Variants in UPP1 observed in about 807,000 individuals in gnomAD.
The protein encoded by UPP1 is UPase 1.
A neutral mutation model predicts 29.6 loss-of-function variants in UPP1; 25 were observed. That is an observed-to-expected ratio of 0.85 (90% CI 0.62 to 1.18). The LOEUF is 1.18. Ranked by LOEUF, UPP1 falls within the 50% of genes most tolerant of loss-of-function variation. The probability of loss-of-function intolerance (pLI) is 0.00; values close to 1 mark genes in which losing one functional copy is unlikely to be tolerated. For missense variants in UPP1, 368 were observed against 410.4 expected, an observed-to-expected ratio of 0.90 and a Z score of 0.89; for synonymous variants, 165 against 159.8, an observed-to-expected ratio of 1.03 and a Z score of -0.25.
rs554800295 is a variant in UPP1 at position 48,107,154 on chromosome 7, G to T, written c.646+72G>T. The T allele has an allele frequency of 4.4e-5, 68 of 1,556,148 alleles. No individual in the cohort carries two copies. The East Asian group carries it at 1.3e-3, about 31-fold the overall frequency. On this transcript the variant is annotated intron_variant, in intron 7 of 8. Coordinates refer to ENST00000395564, the MANE Select transcript of UPP1 (RefSeq NM_003364.4). The stretch of plus-strand genomic sequence containing the variant: ...GTCCGTCCCCTGAGCCTGCCTTCTC[G>T]CTGTGGACTGGCGTTTCCACTTGCC...
chr7:48,091,967 G>A (rs1432135006), intron 2 of UPP1, among the ~76,000 whole-genome samples: 1 of 152,132 alleles, frequency 6.6e-6, no homozygotes, highest in Non-Finnish European at 1.5e-5. Context: ...TCTGTCTTTG[G>A]CTTGGTTTCC....
chr7:48,100,592 A>G (rs1427403225), intron 4 of UPP1, among the ~76,000 whole-genome samples: 3 of 152,228 alleles, frequency 2.0e-5, no homozygotes, highest in African/African-American at 4.8e-5. Context: ...GTTCTGATTT[A>G]TCTTAACGTA....
intron 2 of UPP1, among the ~76,000 whole-genome samples, chr7:48,090,770 T>A (rs1159325579): frequency 6.6e-6 from 1 of 152,206 alleles, no homozygotes; most frequent in Non-Finnish European, 1.5e-5. Flanking sequence ...TCAGCTGCTC[T>A]TACATTATTT....
At chr7:48,099,581 C>A in intron 3 of UPP1, 89 bp from the exon 4 acceptor site, 1 of 889,260 alleles carries the variant, frequency 1.1e-6, no homozygotes, top group Non-Finnish European at 1.8e-6. Context: ...CACCATGAGC[C>A]TCGTGTCTGA....
intron 3 of UPP1, among the ~76,000 whole-genome samples, chr7:48,099,139 G>A (rs1318990883): frequency 6.6e-6 from 1 of 152,154 alleles, no homozygotes; most frequent in Non-Finnish European, 1.5e-5. Context: ...GTCTTATCTT[G>A]TCACTCCTAT....
chr7:48,104,074 T>TG, intron 6 of UPP1: 1 of 386,124 alleles, frequency 2.6e-6, no homozygotes, highest in East Asian at 7.6e-5. Context: ...AAAGATTAGC[T>TG]GGGCGTGGTG....
At chr7:48,096,992 G>A (rs1215633683) in intron 3 of UPP1, among the ~76,000 whole-genome samples, 4 of 152,164 alleles carry the variant, frequency 2.6e-5, no homozygotes, top group South Asian at 4.1e-4. Flanking sequence ...GAGCCACCGC[G>A]CCCAGACAGT....
At chr7:48,102,597 G>T (rs6463462) in intron 5 of UPP1, among the ~76,000 whole-genome samples, 90,134 of 151,970 alleles carry the variant, frequency 0.59, 26,822 homozygotes, top group South Asian at 0.66. Context: ...GCCAAGACAT[G>T]ACTAGGTTAC....
intron 8 of UPP1, among the ~76,000 whole-genome samples, chr7:48,107,920 A>G (rs932719337): frequency 1.3e-5 from 2 of 152,164 alleles, no homozygotes; most frequent in Non-Finnish European, 2.9e-5. Context: ...GTGCCTTTCA[A>G]GGTGGTGCTT....
intron 8 of UPP1, 50 bp downstream of exon 8, chr7:48,107,557 C>A: frequency 1.3e-6 from 2 of 1,554,616 alleles, no homozygotes; most frequent in Non-Finnish European, 1.7e-6. Context: ...TTCACTTCTG[C>A]TCTCCTGGAG....
intron 4 of UPP1, among the ~76,000 whole-genome samples, chr7:48,100,274 A>G (rs1022053552): frequency 1.3e-5 from 2 of 152,230 alleles, no homozygotes; most frequent in African/African-American, 2.4e-5. Context: ...CAGTAAAATC[A>G]TGGTATTATA....
Position 48,103,366 on chromosome 7 carries a change from T to C in UPP1, c.391T>C (p.Cys131Arg), listed in dbSNP as rs1188620357. ...ELIKLLYYAR[C>R]SNVTIIRIGT... Reference sequence around the variant, plus strand: ...CATAAAGCTGCTGTACTATGCCCGGTGCTCCAACGTCACTATCATCCGCAT... The same window carrying C: ...CATAAAGCTGCTGTACTATGCCCGGCGCTCCAACGTCACTATCATCCGCAT... The change falls in exon 6 of 9, where the codon TGC becomes CGC. Residue 131 changes from cysteine (C) to arginine (R), a missense_variant. Coordinates refer to ENST00000395564, the MANE Select transcript of UPP1 (RefSeq NM_003364.4). 4 of 1,614,052 alleles carry C rather than the reference T, an allele frequency of 2.5e-6. No individual in the cohort carries two copies. The highest frequency in any genetic ancestry group is 3.4e-6 in the Non-Finnish European group (4 of 1,179,922).
Position 48,094,800 on chromosome 7 carries a change from C to G in UPP1, c.17C>G (p.Ala6Gly). Residue 6 changes from alanine to glycine, a missense_variant, in exon 3 of 9, where the codon GCC (alanine) becomes GGC (glycine). Ala to Gly is a moderately conservative substitution (Grantham distance 60, BLOSUM62 0). Coordinates refer to ENST00000395564, the MANE Select transcript of UPP1 (RefSeq NM_003364.4). MAATG[A>G]NAEKAESHND... ...GTTGGCGGAATGGCGGCCACGGGAG[C>G]CAATGCAGAGAAAGCTGAAAGTCAC... The G allele has an allele frequency of 6.2e-7, 1 of 1,614,124 alleles. No homozygotes were observed. Among genetic ancestry groups the G allele is most frequent in the Non-Finnish European group, 8.5e-7 (1 of 1,180,032 alleles).
At chr7:48,097,484 T>C (rs1397448130) in intron 3 of UPP1, among the ~76,000 whole-genome samples, 1 of 152,174 alleles carries the variant, frequency 6.6e-6, no homozygotes, top group Non-Finnish European at 1.5e-5. Flanking sequence ...TCCACCTGCG[T>C]TGGCCTCCTA....
At chr7:48,102,852 T>C (rs1182431054) in intron 5 of UPP1, among the ~76,000 whole-genome samples, 1 of 152,186 alleles carries the variant, frequency 6.6e-6, no homozygotes, top group Non-Finnish European at 1.5e-5. Flanking sequence ...AAGCATCCTG[T>C]GTCCAGTGGG....
At position 48,094,795 on chromosome 7, in the gene UPP1, G is replaced by T. The variant is rs200170041; in HGVS notation, c.12G>T (p.Thr4=). 36 of 1,614,130 alleles carry T rather than the reference G, an allele frequency of 2.2e-5. No individual in the cohort carries two copies. Among genetic ancestry groups the T allele is most frequent in the Admixed American group, 1.3e-4 (8 of 60,020 alleles). ...CCTCAGTTGGCGGAATGGCGGCCAC[G>T]GGAGCCAATGCAGAGAAAGCTGAAA... MAA[T]GANAEKAESH... Residue 4 remains threonine, a synonymous_variant, in exon 3 of 9, where the codon ACG becomes ACT. Transcript: ENST00000395564.
In UPP1 at chr7:48,099,651, CT is replaced by C; in HGVS notation, c.45-16del. ...GCACTGATGTTCTATAAGCCTTCCA[CT>C]TTCTTGTTTTTTAACAGTGATTGCC... On this transcript the variant is annotated intron_variant, in intron 3 of 8. Transcript: ENST00000395564. 6.4e-7 allele frequency: 1 copy of C among 1,562,438 alleles called. No homozygotes were observed. The highest frequency in any genetic ancestry group is 2.2e-5 in the East Asian group (1 of 44,598).
In UPP1 at chr7:48,089,277, C is replaced by G. The variant is rs1397875455; in HGVS notation, c.-340C>G. ...AGGTGGTTCCCTCATTCGAGTGCTC[C>G]GGCGCACAGACCCGCGCCCCGCCGT... On this transcript the variant is annotated 5_prime_UTR_variant, in exon 1 of 9. Coordinates refer to ENST00000395564, the MANE Select transcript of UPP1 (RefSeq NM_003364.4). The G allele has an allele frequency of 6.6e-6, 1 of 152,326 alleles. No homozygotes were observed. The highest frequency in any genetic ancestry group is 2.4e-5 in the African/African-American group (1 of 41,456). 9.4% of individuals were successfully genotyped at this position (152,326 alleles called of 1,614,324 possible). A position where few individuals can be genotyped will look rare whatever the true frequency, so the allele number is the denominator to read the frequency against.
Position 48,103,406 on chromosome 7 carries a change from G to A in UPP1, c.431G>A (p.Gly144Glu). 1 of 1,613,488 alleles carries A rather than the reference G, an allele frequency of 6.2e-7. No homozygotes were observed. Among genetic ancestry groups the A allele is most frequent in the Non-Finnish European group, 8.5e-7 (1 of 1,179,466 alleles). ...VTIIRIGTSG[G>E]IGLEPGTVVI... ...ATCATCCGCATTGGCACTTCTGGTG[G>A]GATAGGTAAGGTCTGCAGAGGGGCC... is the stretch of plus-strand genomic sequence containing the variant. Residue 144 changes from glycine (G) to glutamate (E), a missense_variant, in exon 6 of 9, where the codon GGG becomes GAG. Transcript: ENST00000395564.
Sources: gnomAD v4.1 joint callset for allele counts (sites outside exome capture counted in the v4.1 genomes callset) on GRCh38, gnomAD v4.1.1 for gene constraint, MANE v1.5 for transcripts, NCBI Gene and HGNC (gene_info 2026-07-23, HGNC 2026-07-21) for gene names.